The following RBM47 variants were observed in gnomAD, a reference collection of about 807,000 sequenced individuals.
The protein encoded by RBM47 is RNA-binding protein 47.
Under a neutral mutation model 47.1 loss-of-function variants are expected in RBM47, and 21 were observed. That is an observed-to-expected ratio of 0.45 (90% CI 0.32 to 0.64). The LOEUF (loss-of-function observed/expected upper bound fraction) is 0.64. RBM47 is among the 30% of genes least tolerant of loss of function. The probability of loss-of-function intolerance (pLI) is 0.05; values close to 1 mark genes in which losing one functional copy is unlikely to be tolerated. For missense variants in RBM47, 708 were observed against 870.9 expected (o/e 0.81, Z 2.35); for synonymous variants, 375 against 361.7 (o/e 1.04, Z -0.42).
At chr4:40,552,974 C>A (rs28611444) in intron 1 of RBM47, among the ~76,000 whole-genome samples, 5 of 147,208 alleles carry the variant, frequency 3.4e-5, no homozygotes, top group Non-Finnish European at 6.0e-5. Flanking sequence ...TTTCTTTTTT[C>A]TTTTTTTTTT....
intron 2 of RBM47, among the ~76,000 whole-genome samples, chr4:40,525,418 C>G (rs1560444965): frequency 6.6e-6 from 1 of 152,092 alleles, no homozygotes; most frequent in African/African-American, 2.4e-5. Flanking sequence ...GTGAGACTGT[C>G]ACAAACAAAG....
chr4:40,552,434 G>A (rs1299453734), intron 1 of RBM47, among the ~76,000 whole-genome samples: 1 of 151,746 alleles, frequency 6.6e-6, no homozygotes, highest in Non-Finnish European at 1.5e-5. Context: ...AAAAGATAAA[G>A]GATATAAATA....
intron 1 of RBM47, among the ~76,000 whole-genome samples, chr4:40,614,309 A>G (rs556673911): frequency 6.6e-6 from 1 of 152,284 alleles, no homozygotes; most frequent in East Asian, 1.9e-4. Flanking sequence ...ATGAAAGTAA[A>G]AAGAATTAGA....
At chr4:40,597,803 A>T in intron 1 of RBM47, among the ~76,000 whole-genome samples, 1 of 152,238 alleles carries the variant, frequency 6.6e-6, no homozygotes, top group East Asian at 1.9e-4. Context: ...CCTGCCCATG[A>T]AAAGGCTCTT....
intron 1 of RBM47, among the ~76,000 whole-genome samples, chr4:40,548,083 T>G (rs1729193110): frequency 6.6e-6 from 1 of 152,100 alleles, no homozygotes; most frequent in Admixed American, 6.6e-5. Context: ...ACGAGACCAT[T>G]ATAAAACAAC....
chr4:40,556,996 C>T (rs191727457), intron 1 of RBM47, among the ~76,000 whole-genome samples: 34 of 152,038 alleles, frequency 2.2e-4, no homozygotes, highest in Non-Finnish European at 3.4e-4. Flanking sequence ...GGGAGTTGTG[C>T]ACATATGAAA....
At chr4:40,594,068 A>C (rs946670354) in intron 1 of RBM47, among the ~76,000 whole-genome samples, 2 of 151,944 alleles carry the variant, frequency 1.3e-5, no homozygotes, top group Admixed American at 1.3e-4. Flanking sequence ...CAAACAAAAA[A>C]AAGAAAGAAA....
intron 1 of RBM47, among the ~76,000 whole-genome samples, chr4:40,560,748 C>T (rs920851471): frequency 7.9e-5 from 12 of 152,090 alleles, no homozygotes; most frequent in South Asian, 4.1e-4. Context: ...AGGTGGATTA[C>T]GAGGTCAGGA....
Position 40,450,950 on chromosome 4 carries a change from T to C in RBM47, c.-31-12026A>G, listed in dbSNP as rs927999256. On this transcript the variant is annotated intron_variant, in intron 3 of 6. Transcript: ENST00000295971. Reference sequence around the variant, plus strand: ...ATCTTGGAGCTGTGTAATATGATTATATACTGGCACACATGGTAGGTACTT... The same window carrying C: ...ATCTTGGAGCTGTGTAATATGATTACATACTGGCACACATGGTAGGTACTT... 2.6e-5 allele frequency among the ~76,000 whole-genome samples: 4 copies of C among 152,188 alleles called. 1 individual carries two copies. The highest frequency in any genetic ancestry group is 9.7e-5 in the African/African-American group (4 of 41,450).
chr4:40,500,276 G>A (rs1723168934), intron 2 of RBM47, among the ~76,000 whole-genome samples: 1 of 151,300 alleles, frequency 6.6e-6, no homozygotes, highest in African/African-American at 2.4e-5. Flanking sequence ...TCGTGCCACT[G>A]CACTCCAGCC....
chr4:40,515,090 C>T (rs1725414434), intron 2 of RBM47, among the ~76,000 whole-genome samples: 1 of 152,216 alleles, frequency 6.6e-6, no homozygotes, highest in Non-Finnish European at 1.5e-5. Context: ...TTCCCATTTT[C>T]CATATCCTTC....
intron 1 of RBM47, among the ~76,000 whole-genome samples, chr4:40,582,449 G>T (rs534034656): frequency 6.6e-6 from 1 of 152,126 alleles, no homozygotes; most frequent in African/African-American, 2.4e-5. Flanking sequence ...CAGGAGAATC[G>T]CTTCAACCCA....
intron 3 of RBM47, among the ~76,000 whole-genome samples, chr4:40,464,681 C>T (rs999853281): frequency 1.3e-4 from 20 of 151,254 alleles, no homozygotes; most frequent in Admixed American, 2.0e-4. Context: ...GGGAGGATCA[C>T]GAGGTCAGGA....
intron 2 of RBM47, among the ~76,000 whole-genome samples, chr4:40,488,086 C>G (rs1721362769): frequency 6.6e-6 from 1 of 152,024 alleles, no homozygotes; most frequent in Admixed American, 6.6e-5. Context: ...CTCTGGGAGG[C>G]CAAGGCAGGT....
chr4:40,505,876 G>A (rs572106034), intron 2 of RBM47, among the ~76,000 whole-genome samples: 1 of 147,376 alleles, frequency 6.8e-6, no homozygotes, highest in South Asian at 2.2e-4. Context: ...GACAGAGCGA[G>A]AGTCTGTCTC....
rs1016637690 is a variant in RBM47, at chr4:40,618,577, G to A, written c.-240+10819C>T. ...TGTAATTCCAGCACTTTGGAAGGCC[G>A]AGGTGGGCAGATCACGAGGTCAGGA... On this transcript the variant is annotated intron_variant, in intron 1 of 6. Coordinates refer to ENST00000295971, the MANE Select transcript of RBM47 (RefSeq NM_001098634.2). 4.6e-5 allele frequency among the ~76,000 whole-genome samples: 7 copies of A among 151,878 alleles called. No individual in the cohort carries two copies. In the South Asian group the frequency reaches 8.3e-4, roughly 18 times the overall value.
upstream of RBM47, chr4:40,630,372 CCCATAAACAAG>C (rs1738120536): frequency 6.6e-6 from 1 of 152,406 alleles, no homozygotes; most frequent in Non-Finnish European, 1.5e-5. Flanking sequence ...CCTTCTTCCC[CCCATAAACAAG>C]TCGCTGGACG....
At chr4:40,571,450 A>G (rs1190831039) in intron 1 of RBM47, among the ~76,000 whole-genome samples, 1 of 152,044 alleles carries the variant, frequency 6.6e-6, no homozygotes, top group Non-Finnish European at 1.5e-5. Flanking sequence ...ATACCAGGAT[A>G]AGTCCTGAGT....
At chr4:40,507,993 G>A (rs983002644) in intron 2 of RBM47, among the ~76,000 whole-genome samples, 11 of 152,168 alleles carry the variant, frequency 7.2e-5, no homozygotes, top group African/African-American at 2.4e-4. Context: ...TTCAACCCGG[G>A]AGGCGGAGGT....
Sources: allele counts gnomAD v4.1 joint callset (sites outside exome capture counted in the v4.1 genomes callset), GRCh38; gene constraint gnomAD v4.1.1; transcripts MANE v1.5; gene names NCBI Gene and HGNC (gene_info 2026-07-23, HGNC 2026-07-21).